The following CEP128 variants were observed in gnomAD, a reference collection of about 807,000 sequenced individuals.
CEP128 encodes centrosomal protein 128.
Under a neutral mutation model 156.7 loss-of-function variants are expected in CEP128, and 132 were observed. The observed-to-expected ratio is 0.84, with a 90% CI of 0.73 to 0.97. The LOEUF is 0.97. Ranked by LOEUF, CEP128 falls within the 50% of genes least tolerant of loss-of-function variation. The pLI is 0.00. For missense variants in CEP128, 1,252 were observed against 1,281.9 expected (o/e 0.98, Z 0.36); for synonymous variants, 469 against 448.9 (o/e 1.04, Z -0.57).
At chr14:80,727,068 G>A (rs1018956848) in intron 19 of CEP128, among the ~76,000 whole-genome samples, 8 of 152,152 alleles carry the variant, frequency 5.3e-5, no homozygotes, top group African/African-American at 1.9e-4. Context: ...GGTTATGGAG[G>A]CATGGAAACT....
At chr14:80,548,350 C>T (rs1890073233) in intron 21 of CEP128, among the ~76,000 whole-genome samples, 5 of 151,982 alleles carry the variant, frequency 3.3e-5, no homozygotes, top group Admixed American at 2.0e-4. Context: ...AAACTAGATG[C>T]ACAAAATGAA....
chr14:80,766,116 G>A (rs1900226353), intron 16 of CEP128, among the ~76,000 whole-genome samples: 1 of 152,010 alleles, frequency 6.6e-6, no homozygotes, highest in African/African-American at 2.4e-5. Context: ...CTTTTAAAGG[G>A]GCTATCCATC....
chr14:80,919,248 T>C (rs1387833104), intron 2 of CEP128, among the ~76,000 whole-genome samples: 1 of 152,166 alleles, frequency 6.6e-6, no homozygotes, highest in African/African-American at 2.4e-5. Flanking sequence ...AAATGGCATG[T>C]CAGACACTTC....
rs771413247 is a variant in CEP128 at position 80,845,701 on chromosome 14, G to GT, written c.763-4934dup. ...ATTTTATGCCTTTGGGTTTAGAAGG[G>GT]TTTTTTTTGTTTTTCACTATTTTCT... On this transcript the variant is annotated intron_variant, in intron 9 of 24. Transcript: ENST00000555265. Among the ~76,000 whole-genome samples the GT allele has an allele frequency of 5.3e-5, 8 of 151,814 alleles. 1 individual carries two copies. Among genetic ancestry groups the GT allele is most frequent in the African/African-American group, 1.7e-4 (7 of 41,424 alleles).
At chr14:80,559,324 T>A in intron 20 of CEP128, 22 bp from the exon 21 acceptor site, 1 of 1,580,722 alleles carries the variant, frequency 6.3e-7, no homozygotes, top group South Asian at 1.2e-5. Context: ...GCATAATATA[T>A]AATTATAAAA....
chr14:80,661,314 A>T (rs2140896264), intron 19 of CEP128, among the ~76,000 whole-genome samples: 1 of 152,280 alleles, frequency 6.6e-6, no homozygotes, highest in Non-Finnish European at 1.5e-5. Flanking sequence ...GGTTTGTTGT[A>T]CTATTAATTT....
Position 80,741,824 on chromosome 14 carries a change from T to G in CEP128, c.2806+1251A>C, listed in dbSNP as rs1007664811. 2.0e-5 allele frequency among the ~76,000 whole-genome samples: 3 copies of G among 152,150 alleles called. No homozygotes were observed. The East Asian group carries it at 5.8e-4, about 29-fold the overall frequency. On this transcript the variant is annotated intron_variant, in intron 19 of 24. Coordinates refer to ENST00000555265, the MANE Select transcript of CEP128 (RefSeq NM_152446.5). ...AAATATCTAAACTTAATCAGTAGTTTCGCTGCCTTTCACCTTCTCTATGTG... is the reference window on the plus strand; with the variant it reads ...AAATATCTAAACTTAATCAGTAGTTGCGCTGCCTTTCACCTTCTCTATGTG...
At chr14:80,501,526 A>G (rs573751226) in intron 24 of CEP128, among the ~76,000 whole-genome samples, 2 of 151,120 alleles carry the variant, frequency 1.3e-5, no homozygotes, top group South Asian at 2.1e-4. Context: ...TTTTTTTGTA[A>G]TGGAGTCTTG....
At chr14:80,806,923 TAG>T (rs1449545896) in intron 13 of CEP128, among the ~76,000 whole-genome samples, 1 of 152,080 alleles carries the variant, frequency 6.6e-6, no homozygotes, top group Non-Finnish European at 1.5e-5. Flanking sequence ...TGAAAGAGAA[TAG>T]ACACATTATC....
intron 22 of CEP128, 28 bp from the exon 23 acceptor site, chr14:80,527,010 G>C (rs1242330060): frequency 2.9e-6 from 3 of 1,048,848 alleles, no homozygotes; most frequent in Non-Finnish European, 4.3e-6. Flanking sequence ...CAAAGGGTCT[G>C]AACTGGTAGA....
intron 24 of CEP128, among the ~76,000 whole-genome samples, chr14:80,500,361 G>C (rs989773775): frequency 2.0e-5 from 3 of 152,050 alleles, no homozygotes; most frequent in African/African-American, 7.2e-5. Flanking sequence ...CTGTTCTGTG[G>C]GCCCAGAAAC....
chr14:80,873,926 A>G (rs1888150521), intron 8 of CEP128, among the ~76,000 whole-genome samples: 1 of 152,128 alleles, frequency 6.6e-6, no homozygotes, highest in Non-Finnish European at 1.5e-5. Context: ...GCCTGCTGTC[A>G]TCCATGTAAG....
chr14:80,484,455 A>C (rs931084415), intron 14 of CEP128, among the ~76,000 whole-genome samples: 2 of 152,226 alleles, frequency 1.3e-5, no homozygotes, highest in African/African-American at 4.8e-5. Flanking sequence ...TAACTTGGGA[A>C]TTAGCTCCCA....
intron 21 of CEP128, among the ~76,000 whole-genome samples, chr14:80,543,626 A>G (rs1192833021): frequency 1.3e-5 from 2 of 152,188 alleles, no homozygotes; most frequent in African/African-American, 4.8e-5. Flanking sequence ...ACAGCTGACA[A>G]TGTTATTTGG....
At position 80,643,627 on chromosome 14, in the gene CEP128, T is replaced by G. The variant is rs12590123; in HGVS notation, c.2807-63204A>C. 7.9e-5 allele frequency among the ~76,000 whole-genome samples: 12 copies of G among 152,134 alleles called. No homozygotes were observed. In the East Asian group the frequency reaches 2.1e-3, roughly 27 times the overall value. On this transcript the variant is annotated intron_variant, in intron 19 of 24. Transcript: ENST00000555265. The stretch of plus-strand genomic sequence containing the variant: ...CGGGAGGCTCAGGCCGGAGAATCAC[T>G]TGAACCTGGGAAGCGAAGGTTACAG...
At position 80,777,907 on chromosome 14, in the gene CEP128, C is replaced by A; in HGVS notation, c.2351G>T (p.Cys784Phe). 1 of 1,609,542 alleles carries A rather than the reference C, an allele frequency of 6.2e-7. No homozygotes were observed. Among genetic ancestry groups the A allele is most frequent in the East Asian group, 2.2e-5 (1 of 44,770 alleles). The stretch of plus-strand genomic sequence containing the variant: ...CCTTTCTTCTAGTTGATCCTTCAAA[C>A]ATTGATATTTTAGCTTCAGTTTTTT... ...ENKKLKLKYQ[C>F]LKDQLEEREK... is the part of the protein sequence containing the mutation. Residue 784 changes from cysteine (C) to phenylalanine (F), a missense_variant, in exon 16 of 25, where the codon TGT (cysteine) becomes TTT (phenylalanine). Coordinates refer to ENST00000555265, the MANE Select transcript of CEP128 (RefSeq NM_152446.5).
intron 1 of CEP128, among the ~76,000 whole-genome samples, chr14:80,940,673 C>CT (rs35501686): frequency 6.6e-3 from 169 of 25,564 alleles, no homozygotes; most frequent in Middle Eastern, 0.019. Flanking sequence ...AGCCAGACTC[C>CT]TCAAAAAAAA....
At chr14:80,871,046 T>TA (rs1012647406) in intron 8 of CEP128, among the ~76,000 whole-genome samples, 10 of 144,644 alleles carry the variant, frequency 6.9e-5, no homozygotes, top group Admixed American at 2.0e-4. Context: ...ACTCTGAAAA[T>TA]AAAAAAAATT....
At chr14:80,891,363 C>T (rs1889090262) in intron 8 of CEP128, among the ~76,000 whole-genome samples, 1 of 151,772 alleles carries the variant, frequency 6.6e-6, no homozygotes, top group Non-Finnish European at 1.5e-5. Flanking sequence ...CAATGGAGTA[C>T]TATTCAGCCA....
Sources: allele counts gnomAD v4.1 joint callset (sites outside exome capture counted in the v4.1 genomes callset), GRCh38; gene constraint gnomAD v4.1.1; transcripts MANE v1.5; gene names NCBI Gene and HGNC (gene_info 2026-07-23, HGNC 2026-07-21).